Variants in MACROD2 observed in about 807,000 individuals in gnomAD.
The protein encoded by MACROD2 is ADP-ribose glycohydrolase MACROD2.
In MACROD2, 36 loss-of-function variants were observed where a neutral mutation model predicts 70.4. The ratio of observed to expected loss-of-function variants is 0.51; its 90% CI spans 0.39 to 0.68. The LOEUF is 0.68. MACROD2 is among the 30% of genes least tolerant of loss of function. The pLI is 0.00. For synonymous variants in MACROD2, 172 were observed against 178.8 expected (o/e 0.96, Z 0.30); for missense variants, 496 against 538.4 (o/e 0.92, Z 0.78).
intron 7 of MACROD2, among the ~76,000 whole-genome samples, chr20:15,486,810 T>A (rs922344433): frequency 1.3e-5 from 2 of 152,236 alleles, no homozygotes; most frequent in African/African-American, 4.8e-5. Context: ...CATTGTGTGT[T>A]CACCAGCAGC....
intron 6 of MACROD2, among the ~76,000 whole-genome samples, chr20:15,352,890 G>A (rs1294140159): frequency 1.3e-5 from 2 of 151,636 alleles, no homozygotes; most frequent in African/African-American, 4.8e-5. Context: ...ATGCTCATGG[G>A]TAGGAAGAAT....
intron 6 of MACROD2, among the ~76,000 whole-genome samples, chr20:15,420,198 A>G (rs1412866642): frequency 2.6e-5 from 4 of 152,236 alleles, no homozygotes; most frequent in Non-Finnish European, 5.9e-5. Flanking sequence ...GGTGAAACTA[A>G]TCCAGCTGTC....
chr20:14,533,577 A>C (rs1405976219), intron 4 of MACROD2, among the ~76,000 whole-genome samples: 3 of 152,238 alleles, frequency 2.0e-5, no homozygotes, highest in African/African-American at 7.2e-5. Context: ...ACAAAGTTGC[A>C]CTCATCCCTG....
intron 10 of MACROD2, among the ~76,000 whole-genome samples, chr20:15,901,066 A>C (rs556720750): frequency 6.6e-5 from 10 of 152,296 alleles, no homozygotes; most frequent in Non-Finnish European, 1.5e-4. Context: ...TAATGTGAAC[A>C]AAATACTTTT....
chr20:15,804,173 T>C (rs961495147), intron 8 of MACROD2, among the ~76,000 whole-genome samples: 24 of 152,224 alleles, frequency 1.6e-4, no homozygotes, highest in African/African-American at 5.3e-4. Flanking sequence ...GCCCTACTTA[T>C]AAACTTCTTA....
intron 2 of MACROD2, among the ~76,000 whole-genome samples, chr20:14,032,088 T>G (rs557357222): frequency 6.6e-6 from 1 of 152,228 alleles, no homozygotes; most frequent in East Asian, 1.9e-4. Flanking sequence ...AAAAATTTAT[T>G]ATTGTACATG....
At chr20:14,382,677 T>TAA (rs1555786920) in intron 3 of MACROD2, among the ~76,000 whole-genome samples, 92 of 82,596 alleles carry the variant, frequency 1.1e-3, no homozygotes, top group Middle Eastern at 7.8e-3. Flanking sequence ...TCAAAAAAGA[T>TAA]ATAAATAAAT....
chr20:15,148,780 C>G (rs1215343172), intron 5 of MACROD2, among the ~76,000 whole-genome samples: 1 of 151,990 alleles, frequency 6.6e-6, no homozygotes, highest in Non-Finnish European at 1.5e-5. Flanking sequence ...TTGTCCAGTC[C>G]TTTTTAAGTT....
At chr20:14,065,650 A>G (rs929665012) in intron 2 of MACROD2, among the ~76,000 whole-genome samples, 5 of 152,156 alleles carry the variant, frequency 3.3e-5, no homozygotes, top group Non-Finnish European at 7.4e-5. Flanking sequence ...AATTCTCACA[A>G]CAATGCTGTG....
At chr20:15,678,630 T>A (rs542931962) in intron 8 of MACROD2, among the ~76,000 whole-genome samples, 2 of 152,132 alleles carry the variant, frequency 1.3e-5, no homozygotes, top group African/African-American at 2.4e-5. Context: ...TTTAAAAAAA[T>A]AAATAAATAA....
chr20:15,214,220 G>GTGACT (rs1457046277), intron 5 of MACROD2, among the ~76,000 whole-genome samples: 1 of 152,128 alleles, frequency 6.6e-6, no homozygotes, highest in Non-Finnish European at 1.5e-5. Context: ...CAGGATCATG[G>GTGACT]TGACTTGACC....
chr20:15,018,937 G>A (rs1470674902), intron 5 of MACROD2, among the ~76,000 whole-genome samples: 1 of 152,154 alleles, frequency 6.6e-6, no homozygotes, highest in Non-Finnish European at 1.5e-5. Flanking sequence ...GCTTCCAGAG[G>A]CATCCCTCGA....
intron 4 of MACROD2, among the ~76,000 whole-genome samples, chr20:14,653,830 C>CA (rs146469895): frequency 2.6e-4 from 40 of 152,220 alleles, no homozygotes; most frequent in Middle Eastern, 3.4e-3. Context: ...AGTAATGCCT[C>CA]AAAAAGCAGT....
chr20:15,277,719 A>G (rs2077406046), intron 6 of MACROD2, among the ~76,000 whole-genome samples: 1 of 152,168 alleles, frequency 6.6e-6, no homozygotes, highest in Non-Finnish European at 1.5e-5. Context: ...AATACAGCTT[A>G]TATTAGACTG....
In MACROD2 at chr20:14,060,035, TATG is replaced by T. The variant is rs1266082068; in HGVS notation, c.164-25583_164-25581del. 2.0e-5 allele frequency among the ~76,000 whole-genome samples: 3 copies of T among 152,220 alleles called. No individual in the cohort carries two copies. In the East Asian group the frequency reaches 5.8e-4, roughly 29 times the overall value. ...TGAATCTTTTCGACCCTTACGTGCT[TATG>T]ATAAGCTTAGAACTTACTCTAAATA... On this transcript the variant is annotated intron_variant, in intron 2 of 17. Coordinates refer to ENST00000684519, the MANE Select transcript of MACROD2 (RefSeq NM_001351661.2).
chr20:14,546,918 TA>T (rs142581076), intron 4 of MACROD2, among the ~76,000 whole-genome samples: 2,074 of 152,194 alleles, frequency 0.014, 54 homozygotes, highest in African/African-American at 0.048. Context: ...CCAATATCTG[TA>T]TTTTCTCTTT....
chr20:14,416,902 C>G (rs2083811421), intron 3 of MACROD2, among the ~76,000 whole-genome samples: 1 of 152,174 alleles, frequency 6.6e-6, no homozygotes, highest in Non-Finnish European at 1.5e-5. Flanking sequence ...TTTGCCAGGG[C>G]AAGGTGCTGT....
intron 4 of MACROD2, 25 bp downstream of exon 4, chr20:14,493,533 T>G: frequency 6.3e-7 from 1 of 1,587,578 alleles, no homozygotes; most frequent in Non-Finnish European, 8.6e-7. Context: ...TCACTTAACT[T>G]AAAATACATT....
intron 8 of MACROD2, among the ~76,000 whole-genome samples, chr20:15,527,078 A>G (rs2047731621): frequency 1.3e-5 from 2 of 152,184 alleles, no homozygotes; most frequent in African/African-American, 4.8e-5. Flanking sequence ...TAAGCTCACT[A>G]TCTCAGCTTT....
Sources: gnomAD v4.1 joint callset for allele counts (sites outside exome capture counted in the v4.1 genomes callset) on GRCh38, gnomAD v4.1.1 for gene constraint, MANE v1.5 for transcripts, NCBI Gene and HGNC (gene_info 2026-07-23, HGNC 2026-07-21) for gene names.